Variants in NEK10 observed in about 807,000 individuals in gnomAD.
NEK10 encodes the protein serine/threonine-protein kinase Nek10.
A neutral mutation model predicts 159.8 loss-of-function variants in NEK10; 122 were observed. The ratio of observed to expected loss-of-function variants is 0.76; its 90% CI spans 0.66 to 0.89. The LOEUF (loss-of-function observed/expected upper bound fraction) is 0.89. NEK10 is among the 40% of genes least tolerant of loss of function. The probability of loss-of-function intolerance (pLI) is 0.00; values close to 1 mark genes in which losing one functional copy is unlikely to be tolerated. For missense variants in NEK10, 1,342 were observed against 1,323.1 expected (o/e 1.01, Z -0.22); for synonymous variants, 466 against 457.1 (o/e 1.02, Z -0.25).
intron 22 of NEK10, among the ~76,000 whole-genome samples, chr3:27,283,951 G>C (rs1241354188): frequency 6.6e-6 from 1 of 152,118 alleles, no homozygotes; most frequent in Non-Finnish European, 1.5e-5. Context: ...GAAAACCATT[G>C]ATTTTGGAAT....
rs551426475 is a variant in NEK10 at position 27,314,415 on chromosome 3, T to C, written c.448-77A>G. On this transcript the variant is annotated intron_variant, in intron 6 of 35. Transcript: ENST00000691995. ...AAGTATATTTTACATGCAATTTCTT[T>C]ACTAAGTTGTCATATTTATAATTAT... is the stretch of plus-strand genomic sequence containing the variant. 15 of 837,974 alleles carry C rather than the reference T, an allele frequency of 1.8e-5. No homozygotes were observed. The South Asian group carries it at 2.2e-4, about 12-fold the overall frequency. 51.9% of individuals were successfully genotyped at this position (837,974 alleles called of 1,614,324 possible). A position where few individuals can be genotyped will look rare whatever the true frequency, so the allele number is the denominator to read the frequency against.
chr3:27,146,776 C>G (rs763606192), intron 30 of NEK10, among the ~76,000 whole-genome samples: 3 of 152,060 alleles, frequency 2.0e-5, no homozygotes, highest in African/African-American at 4.8e-5. Flanking sequence ...AGAAGGTCTT[C>G]GATAGCACAG....
At chr3:27,327,872 A>G (rs536291517) in intron 5 of NEK10, among the ~76,000 whole-genome samples, 2 of 152,184 alleles carry the variant, frequency 1.3e-5, no homozygotes, top group Non-Finnish European at 2.9e-5. Context: ...CCTCAAATTC[A>G]TAAGACAGAG....
intron 3 of NEK10, among the ~76,000 whole-genome samples, chr3:27,348,447 C>T (rs190296093): frequency 6.6e-6 from 1 of 152,284 alleles, no homozygotes; most frequent in East Asian, 1.9e-4. Flanking sequence ...AGACCAGGAA[C>T]CTAATAGTAG....
chr3:27,262,303 ATG>A (rs1252056543), intron 22 of NEK10, among the ~76,000 whole-genome samples: 2 of 151,992 alleles, frequency 1.3e-5, no homozygotes, highest in East Asian at 3.9e-4. Flanking sequence ...TCTGACAATT[ATG>A]TGTCTTGGAG....
intron 23 of NEK10, among the ~76,000 whole-genome samples, chr3:27,220,052 C>T (rs1207517553): frequency 1.3e-5 from 2 of 152,028 alleles, no homozygotes; most frequent in African/African-American, 4.8e-5. Context: ...AGCATAACAT[C>T]ATTGAAAAAA....
At chr3:27,133,096 C>T (rs977535916) in intron 31 of NEK10, among the ~76,000 whole-genome samples, 1 of 152,202 alleles carries the variant, frequency 6.6e-6, no homozygotes, top group African/African-American at 2.4e-5. Context: ...TTCTCCACCA[C>T]TGTCCTCCCT....
chr3:27,314,294 T>C lies in NEK10; in HGVS notation c.489+3A>G. ...AGACCAGCCACCACAAAAGGAATCT[T>C]ACCTGAGCTAGGTTTTCAATCCCAC... On this transcript the variant is annotated splice_donor_region_variant and intron_variant, in intron 7 of 35. Coordinates refer to ENST00000691995, the MANE Select transcript of NEK10 (RefSeq NM_001394966.1). The C allele has an allele frequency of 1.3e-6, 2 of 1,599,096 alleles. No homozygotes were observed. Among genetic ancestry groups the C allele is most frequent in the Non-Finnish European group, 1.7e-6 (2 of 1,170,668 alleles).
rs368212829 is a variant in NEK10 at position 27,282,703 on chromosome 3, TTA to T, written c.2014+1897_2014+1898del. Reference sequence around the variant, plus strand: ...TGTGTTATATATATACATAACTGTGTTATATATATATACATAACTGTGTTATA... The same window carrying T: ...TGTGTTATATATATACATAACTGTGTTATATATATACATAACTGTGTTATA... On this transcript the variant is annotated intron_variant, in intron 22 of 35. Coordinates refer to ENST00000691995, the MANE Select transcript of NEK10 (RefSeq NM_001394966.1). Among the ~76,000 whole-genome samples, 1,101 of 136,962 alleles carry T rather than the reference TTA, an allele frequency of 8.0e-3. 31 individuals carry two copies. The highest frequency in any genetic ancestry group is 0.011 in the East Asian group (53 of 4,782). The allele number at this position is 136,962 out of a possible 152,430, so 89.9% of individuals were successfully genotyped here. A position where few individuals can be genotyped will look rare whatever the true frequency, so the allele number is the denominator to read the frequency against.
At chr3:27,358,475 T>C (rs1164463892) in intron 1 of NEK10, among the ~76,000 whole-genome samples, 5 of 152,240 alleles carry the variant, frequency 3.3e-5, no homozygotes, top group African/African-American at 9.6e-5. Context: ...TTCTATCCTC[T>C]ATTGTTTGAA....
chr3:27,355,746 G>T (rs533080527), intron 1 of NEK10, among the ~76,000 whole-genome samples: 3 of 152,224 alleles, frequency 2.0e-5, no homozygotes, highest in African/African-American at 7.2e-5. Flanking sequence ...CCACTCTGTG[G>T]CTTACAACCT....
chr3:27,254,321 C>T (rs535970752), intron 23 of NEK10, among the ~76,000 whole-genome samples: 8 of 152,252 alleles, frequency 5.3e-5, no homozygotes, highest in Admixed American at 5.2e-4. Context: ...CACTATATCC[C>T]AGATAATACT....
chr3:27,367,137 C>T (rs2049155600), intron 1 of NEK10, among the ~76,000 whole-genome samples: 1 of 152,062 alleles, frequency 6.6e-6, no homozygotes, highest in African/African-American at 2.4e-5. Context: ...AACGTGAAAG[C>T]TTACTATATA....
intron 13 of NEK10, 64 bp from the exon 14 acceptor site, chr3:27,297,304 A>T: frequency 1.9e-6 from 2 of 1,041,066 alleles, no homozygotes; most frequent in Non-Finnish European, 3.0e-6. Flanking sequence ...TCACATAAAT[A>T]CTCTTACTCC....
intron 35 of NEK10, among the ~76,000 whole-genome samples, 182 bp from the exon 36 acceptor site, chr3:27,111,502 A>G (rs1486586885): frequency 6.6e-6 from 1 of 152,228 alleles, no homozygotes; most frequent in African/African-American, 2.4e-5. Context: ...TCTGGTGCTA[A>G]CAAGGCCTTT....
intron 23 of NEK10, among the ~76,000 whole-genome samples, chr3:27,216,172 G>A (rs577146525): frequency 6.6e-6 from 1 of 152,100 alleles, no homozygotes; most frequent in South Asian, 2.1e-4. Context: ...TTGTGAATGG[G>A]GTCATTGAGA....
At chr3:27,162,795 T>G in intron 29 of NEK10, 57 bp from the exon 30 acceptor site, 1 of 1,611,144 alleles carries the variant, frequency 6.2e-7, no homozygotes, top group South Asian at 1.1e-5. Context: ...TTTGACAAAC[T>G]AAGAGCCTAC....
chr3:27,337,744 A>G (rs2046913212), intron 5 of NEK10, among the ~76,000 whole-genome samples: 1 of 152,190 alleles, frequency 6.6e-6, no homozygotes, highest in East Asian at 1.9e-4. Context: ...ATTGGATATC[A>G]GTATGCAGAA....
chr3:27,239,197 C>CA (rs11337702), intron 23 of NEK10, among the ~76,000 whole-genome samples: 14 of 151,436 alleles, frequency 9.2e-5, no homozygotes, highest in Non-Finnish European at 1.5e-4. Flanking sequence ...GTCAAGTTCA[C>CA]AAAAAAAATT....
Sources: gnomAD v4.1 joint callset for allele counts (sites outside exome capture counted in the v4.1 genomes callset) on GRCh38, gnomAD v4.1.1 for gene constraint, MANE v1.5 for transcripts, NCBI Gene and HGNC (gene_info 2026-07-23, HGNC 2026-07-21) for gene names.